ZER1: variants seen among roughly 807,000 people sequenced by gnomAD.
ZER1 encodes the protein zyg-11 related cell cycle regulator.
ZER1 carries 11 observed loss-of-function variants against 78.8 expected under a neutral mutation model. That is an observed-to-expected ratio of 0.14 (90% CI 0.09 to 0.23). The LOEUF (loss-of-function observed/expected upper bound fraction) is 0.23, where lower values mean the gene tolerates loss of function less well. Among genes scored for constraint, ZER1 ranks in the 10% least tolerant of loss-of-function variants. The pLI, the probability that ZER1 is intolerant of heterozygous loss-of-function variation, is 1.00. For synonymous variants in ZER1, 400 were observed against 407.0 expected (o/e 0.98, Z 0.21); for missense variants, 588 against 996.9 (o/e 0.59, Z 5.52).
intron 8 of ZER1, among the ~76,000 whole-genome samples, chr9:128,745,443 C>G (rs1863457083): frequency 6.6e-6 from 1 of 151,818 alleles, no homozygotes; most frequent in Non-Finnish European, 1.5e-5. Flanking sequence ...CTCGCTGCAA[C>G]CACCTTCCAG....
Position 128,740,142 on chromosome 9 carries a change from A to T in ZER1, c.1854-23T>A. ...TTGCTGCCAGGAGAAAGACAGAAAA[A>T]TGGAGTCCCACTCCCCCAGTTTCTC... On this transcript the variant is annotated intron_variant, in intron 12 of 15. Coordinates refer to ENST00000291900, the MANE Select transcript of ZER1 (RefSeq NM_006336.4). This position sits in a 1 kb window ranked among gnomAD's most constrained non-coding sequence, Gnocchi z 4.4. 1 of 1,570,392 alleles carries T rather than the reference A, an allele frequency of 6.4e-7. No individual in the cohort carries two copies. The highest frequency in any genetic ancestry group is 8.7e-7 in the Non-Finnish European group (1 of 1,150,884).
intron 9 of ZER1, 130 bp from the exon 10 acceptor site, chr9:128,741,971 T>C (rs1410080779): frequency 1.6e-6 from 2 of 1,227,150 alleles, no homozygotes; most frequent in African/African-American, 1.5e-5. Context: ...CAAGTCTCCC[T>C]ATATTTGGGG....
intron 8 of ZER1, among the ~76,000 whole-genome samples, chr9:128,748,127 C>A (rs13297866): frequency 3.3e-5 from 5 of 151,834 alleles, no homozygotes; most frequent in African/African-American, 1.2e-4. Context: ...GACTGTGGGC[C>A]GGGCATGGTG....
chr9:128,738,394 A>G (rs564141493), intron 13 of ZER1, among the ~76,000 whole-genome samples: 6 of 140,696 alleles, frequency 4.3e-5, no homozygotes, highest in Admixed American at 3.8e-4. Flanking sequence ...ATTTTTATTT[A>G]TTTATTTTTG....
intron 1 of ZER1, among the ~76,000 whole-genome samples, chr9:128,766,978 T>C (rs1390335313): frequency 6.7e-6 from 1 of 150,342 alleles, no homozygotes; most frequent in Non-Finnish European, 1.5e-5. Context: ...ATTTTGCTCT[T>C]GTTGCCCAAG....
chr9:128,769,416 TTTTTTTTTTTTGAGA>T lies in ZER1; in HGVS notation c.-95+2150_-95+2164del, dbSNP rs963424366. 2.0e-5 allele frequency among the ~76,000 whole-genome samples: 3 copies of T among 148,094 alleles called. No homozygotes were observed. In the Admixed American group the frequency reaches 2.0e-4, roughly 10 times the overall value. On this transcript the variant is annotated intron_variant, in intron 1 of 15. Transcript: ENST00000291900. ...ATTTTCTTTTCTTTTCTTTCTTTCT[TTTTTTTTTTTTGAGA>T]TGGAGTTTCGCTCCTGTCGCCCAGG...
At chr9:128,742,355 A>T (rs191671357) in intron 9 of ZER1, among the ~76,000 whole-genome samples, 175 bp downstream of exon 9, 16 of 152,380 alleles carry the variant, frequency 1.1e-4, no homozygotes, top group Non-Finnish European at 2.2e-4. Context: ...GGCATCAGCA[A>T]CATTCAGCAT....
At chr9:128,763,165 A>G (rs1008204008) in intron 1 of ZER1, among the ~76,000 whole-genome samples, 2 of 151,816 alleles carry the variant, frequency 1.3e-5, no homozygotes, top group Non-Finnish European at 2.9e-5. Context: ...CCCCTCCCCT[A>G]CCCAAATACA....
At chr9:128,744,934 C>CT (rs1863435494) in intron 8 of ZER1, among the ~76,000 whole-genome samples, 2 of 152,246 alleles carry the variant, frequency 1.3e-5, no homozygotes, top group South Asian at 4.1e-4. Context: ...CTGGGTGACT[C>CT]TAAGAGTTGG....
At position 128,742,722 on chromosome 9, in the gene ZER1, C is replaced by T. The variant is rs1476522027; in HGVS notation, c.1383G>A (p.Thr461=). The T allele has an allele frequency of 5.0e-6, 8 of 1,612,124 alleles. No homozygotes were observed. Among genetic ancestry groups the T allele is most frequent in the Non-Finnish European group, 6.8e-6 (8 of 1,179,298 alleles). The change falls in exon 9 of 16, where the codon ACG becomes ACA. Residue 461 remains threonine (T), a synonymous_variant. Transcript: ENST00000291900. Reference sequence around the variant, plus strand: ...CCTCGGGGATGCTGAAGTTGCAGAGCGTCAGGCAGCAGTTCCGCTGCACCT... The same window carrying T: ...CCTCGGGGATGCTGAAGTTGCAGAGTGTCAGGCAGCAGTTCCGCTGCACCT... ...EVTVQRNCCL[T]LCNFSIPEEL...
intron 8 of ZER1, among the ~76,000 whole-genome samples, chr9:128,743,819 C>T (rs960243719): frequency 6.6e-6 from 1 of 151,784 alleles, no homozygotes; most frequent in Non-Finnish European, 1.5e-5. Flanking sequence ...CAACCTCCCC[C>T]TCCCGGGCTC....
Position 128,753,598 on chromosome 9 carries a change from G to A in ZER1, c.312C>T (p.Asp104=). The part of the protein sequence containing the change: ...DQDLEAIRKQ[D]LVELYLTNCE... The stretch of plus-strand genomic sequence containing the variant: ...AGTTAGTCAGGTACAGCTCCACCAG[G>A]TCCTGGGAGTGGGCACAGCTCCATC... The change falls in exon 4 of 16, where the codon GAC becomes GAT. Residue 104 remains aspartate, a splice_region_variant and synonymous_variant. Coordinates refer to ENST00000291900, the MANE Select transcript of ZER1 (RefSeq NM_006336.4). This position sits in a 1 kb window ranked among gnomAD's most constrained non-coding sequence, Gnocchi z 7.5. The A allele has an allele frequency of 6.2e-7, 1 of 1,612,526 alleles. No homozygotes were observed. Among genetic ancestry groups the A allele is most frequent in the Non-Finnish European group, 8.5e-7 (1 of 1,179,442 alleles).
chr9:128,735,519 C>T (rs1863036166), intron 13 of ZER1, 88 bp from the exon 14 acceptor site: 1 of 1,285,158 alleles, frequency 7.8e-7, no homozygotes. Context: ...ACTGGAGAAT[C>T]CTAGTGACCA....
chr9:128,752,173 C>T (rs1030850186), intron 5 of ZER1, among the ~76,000 whole-genome samples: 1 of 152,208 alleles, frequency 6.6e-6, no homozygotes, highest in African/African-American at 2.4e-5. Context: ...CCTCAGGCCA[C>T]ACCGGGGCCC....
chr9:128,743,888 C>T (rs893174586), intron 8 of ZER1, among the ~76,000 whole-genome samples: 1 of 140,874 alleles, frequency 7.1e-6, no homozygotes, highest in Non-Finnish European at 1.5e-5. Context: ...CTCCAATGGC[C>T]CCTGCTTTTT....
At chr9:128,737,565 C>A (rs1405552865) in intron 13 of ZER1, among the ~76,000 whole-genome samples, 12 of 152,138 alleles carry the variant, frequency 7.9e-5, no homozygotes, top group Non-Finnish European at 1.8e-4. Context: ...CAGTCAGTCA[C>A]AAAACAGTAG....
intron 5 of ZER1, among the ~76,000 whole-genome samples, 196 bp downstream of exon 5, chr9:128,752,477 T>C (rs766977637): frequency 2.2e-4 from 34 of 152,272 alleles, no homozygotes; most frequent in African/African-American, 7.7e-4. Context: ...TCTGCCACCA[T>C]GTCCAGCTAA....
rs761943849 is a variant in ZER1 at position 128,751,189 on chromosome 9, C to T, written c.1118G>A (p.Arg373Gln). ...YTEHRPEITS[R>Q]AINLLFDIAR... ...GATGTCAAAAAGCAAGTTGATGGCCCGCGAGGTGATCTCAGGCCGGTGCTC... is the reference window on the plus strand; with the variant it reads ...GATGTCAAAAAGCAAGTTGATGGCCTGCGAGGTGATCTCAGGCCGGTGCTC... The change falls in exon 7 of 16, where the codon CGG (arginine) becomes CAG (glutamine). Residue 373 changes from arginine to glutamine, a missense_variant. Transcript: ENST00000291900. The surrounding 1 kb of genome is among the most constrained non-coding windows in gnomAD (Gnocchi z 5.4). The T allele has an allele frequency of 2.8e-5, 45 of 1,608,756 alleles. No individual in the cohort carries two copies. Among genetic ancestry groups the T allele is most frequent in the Non-Finnish European group, 3.8e-5 (45 of 1,176,040 alleles).
intron 14 of ZER1, 96 bp downstream of exon 14, chr9:128,735,238 A>G: frequency 8.8e-7 from 1 of 1,131,506 alleles, no homozygotes; most frequent in African/African-American, 1.6e-5. Context: ...AGCTGACAGC[A>G]GCAATTAATG....
Sources: gnomAD v4.1 joint callset for allele counts (sites outside exome capture counted in the v4.1 genomes callset) on GRCh38, gnomAD v4.1.1 for gene constraint, Gnocchi (gnomAD v3.1) non-coding constraint, MANE v1.5 for transcripts, NCBI Gene and HGNC (gene_info 2026-07-23, HGNC 2026-07-21) for gene names.